F5: variants seen among roughly 807,000 people sequenced by gnomAD.
F5 encodes the protein activated protein c cofactor.
Under a neutral mutation model 216.4 loss-of-function variants are expected in F5, and 138 were observed. The observed-to-expected ratio is 0.64, with a 90% CI of 0.56 to 0.73. The LOEUF is 0.73. Ranked by LOEUF, F5 falls within the 30% of genes least tolerant of loss-of-function variation. The pLI, the probability that F5 is intolerant of heterozygous loss-of-function variation, is 0.00. For missense variants in F5, 2,403 were observed against 2,674.0 expected, an observed-to-expected ratio of 0.90 and a Z score of 2.24; for synonymous variants, 916 against 930.7, an observed-to-expected ratio of 0.98 and a Z score of 0.29.
Position 169,572,457 on chromosome 1 carries a change from T to C in F5, c.251-114A>G, listed in dbSNP as rs986574106. 2.3e-6 allele frequency: 3 copies of C among 1,286,340 alleles called. No individual in the cohort carries two copies. The African/African-American group carries it at 4.4e-5, about 19-fold the overall frequency. 79.7% of individuals were successfully genotyped at this position (1,286,340 alleles called of 1,614,324 possible). A position where few individuals can be genotyped will look rare whatever the true frequency, so the allele number is the denominator to read the frequency against. ...GAGTGATTGCTACCATTCCTCCTGG[T>C]CCTGAGGCTGACTCACTTATTTTCA... On this transcript the variant is annotated intron_variant, in intron 2 of 24. Transcript: ENST00000367797.
At chr1:169,581,198 C>T (rs932741616) in intron 2 of F5, among the ~76,000 whole-genome samples, 2 of 152,028 alleles carry the variant, frequency 1.3e-5, no homozygotes, top group African/African-American at 4.8e-5. Context: ...ACAGGTAAAG[C>T]GAGAGCTTCA....
chr1:169,552,880 C>A, intron 7 of F5, 146 bp from the exon 8 acceptor site: 1 of 642,850 alleles, frequency 1.6e-6, no homozygotes, highest in South Asian at 2.0e-5. Flanking sequence ...TTGCAAAGTC[C>A]TTATGTTTTC....
In F5 at chr1:169,542,126, A is replaced by G; in HGVS notation, c.2964T>C (p.Leu988=). The G allele has an allele frequency of 6.2e-7, 1 of 1,614,064 alleles. No homozygotes were observed. The highest frequency in any genetic ancestry group is 8.5e-7 in the Non-Finnish European group (1 of 1,179,978). The change falls in exon 13 of 25, where the codon CTT becomes CTC. Residue 988 remains leucine (L), a synonymous_variant. Coordinates refer to ENST00000367797, the MANE Select transcript of F5 (RefSeq NM_000130.5). ...CACTCTGCTTTCCAGGCTTGTTGGC[A>G]AGAGGGGTGCTTTCTCCCCAAGCAC... ...ASRAWGESTP[L]ANKPGKQSGH... is the part of the protein sequence containing the mutation.
At chr1:169,565,799 C>T (rs571882181) in intron 3 of F5, among the ~76,000 whole-genome samples, 4 of 152,100 alleles carry the variant, frequency 2.6e-5, no homozygotes, top group African/African-American at 7.2e-5. Context: ...GTGAACTTTG[C>T]GCTAGCATAA....
chr1:169,572,168 T>A (rs1051283385), intron 3 of F5, 53 bp downstream of exon 3: 9 of 1,558,294 alleles, frequency 5.8e-6, no homozygotes, highest in Non-Finnish European at 7.9e-6. Context: ...TTGATGCTGG[T>A]ATTAAAGACT....
intron 3 of F5, among the ~76,000 whole-genome samples, chr1:169,564,426 T>A (rs1161924295): frequency 6.6e-6 from 1 of 152,018 alleles, no homozygotes; most frequent in Non-Finnish European, 1.5e-5. Flanking sequence ...CTGTCTGGGT[T>A]CTCCCTGCTT....
chr1:169,526,590 T>C (rs1179302072), intron 17 of F5, among the ~76,000 whole-genome samples: 1 of 152,150 alleles, frequency 6.6e-6, no homozygotes, highest in Admixed American at 6.5e-5. Context: ...ATATTTAAAT[T>C]CTGTTGACTA....
At chr1:169,529,433 A>C (rs901069189) in intron 16 of F5, among the ~76,000 whole-genome samples, 175 bp downstream of exon 16, 2 of 152,128 alleles carry the variant, frequency 1.3e-5, no homozygotes, top group Non-Finnish European at 2.9e-5. Flanking sequence ...CCTCACCCAC[A>C]GTGTCACCTG....
At chr1:169,552,464 G>A (rs1021122496) in intron 8 of F5, 93 bp downstream of exon 8, 91 of 1,045,922 alleles carry the variant, frequency 8.7e-5, no homozygotes, top group Non-Finnish European at 1.1e-4. Flanking sequence ...AATTATATGA[G>A]CATCTTTTTC....
In F5 at chr1:169,542,671, C is replaced by T; in HGVS notation, c.2419G>A (p.Gly807Ser). ...APSHQQATTA[G>S]SPLRHLIGKN... ...CCAATGAGGTGTCTCAGTGGGGAAC[C>T]AGCTGTGGTGGCTTGTTGGTGAGAA... The change falls in exon 13 of 25, where the codon GGT becomes AGT. Residue 807 changes from glycine (G) to serine (S), a missense_variant. Transcript: ENST00000367797. 6.2e-7 allele frequency: 1 copy of T among 1,614,062 alleles called. No individual in the cohort carries two copies. The highest frequency in any genetic ancestry group is 8.5e-7 in the Non-Finnish European group (1 of 1,179,984).
At position 169,555,086 on chromosome 1, in the gene F5, T is replaced by C. The variant is rs535105855; in HGVS notation, c.1118+96A>G. On this transcript the variant is annotated intron_variant, in intron 7 of 24. Coordinates refer to ENST00000367797, the MANE Select transcript of F5 (RefSeq NM_000130.5). ...AATAGAAACCAATACATGTGTCCCC[T>C]TGAGAGCTGTGAACTTACATTTCAC... 6.7e-5 allele frequency: 94 copies of C among 1,392,614 alleles called. No homozygotes were observed. In the African/African-American group the frequency reaches 1.3e-3, roughly 19 times the overall value. 86.3% of individuals were successfully genotyped at this position (1,392,614 alleles called of 1,614,324 possible). A position where few individuals can be genotyped will look rare whatever the true frequency, so the allele number is the denominator to read the frequency against.
intron 16 of F5, 150 bp from the exon 17 acceptor site, chr1:169,528,244 A>G (rs1659505305): frequency 2.2e-6 from 2 of 909,284 alleles, no homozygotes; most frequent in African/African-American, 1.6e-5. Context: ...GCCCTCTTGT[A>G]TGTCACATTA....
intron 3 of F5, among the ~76,000 whole-genome samples, chr1:169,562,245 T>C (rs1039235231): frequency 6.6e-6 from 1 of 152,148 alleles, no homozygotes; most frequent in East Asian, 1.9e-4. Context: ...TCACTATAAT[T>C]TGGCTTTTCT....
intron 7 of F5, among the ~76,000 whole-genome samples, chr1:169,553,861 A>G (rs1660245088): frequency 6.6e-6 from 1 of 152,264 alleles, no homozygotes; most frequent in Non-Finnish European, 1.5e-5. Context: ...AATGTAAATT[A>G]ATTCAGCCAT....
In F5 at chr1:169,544,384, G is replaced by T. The variant is rs1440925361; in HGVS notation, c.1887C>A (p.His629Gln). Residue 629 changes from histidine to glutamine, a missense_variant, in exon 12 of 25, where the codon CAC (histidine) becomes CAA (glutamine). Physicochemically the swap from His to Gln is conservative, Grantham distance 24. Around this residue, in one of 4 missense-constraint regions of F5, gnomAD observed 1,425 missense variants for 1,554.8 expected, o/e 0.92. Transcript: ENST00000367797. Reference sequence around the variant, plus strand: ...CATGCCTCTTTCCATAGATGAATGAGTGCCCAGTGAAGTGGATGGTCAAAA... The same window carrying T: ...CATGCCTCTTTCCATAGATGAATGATTGCCCAGTGAAGTGGATGGTCAAAA... ...NEILTIHFTGHSFIYGKRHED... is the reference protein window; with the variant it reads ...NEILTIHFTGQSFIYGKRHED... The T allele has an allele frequency of 2.5e-6, 4 of 1,614,014 alleles. No individual in the cohort carries two copies. The highest frequency in any genetic ancestry group is 2.5e-6 in the Non-Finnish European group (3 of 1,180,022).
chr1:169,569,369 A>G (rs1403525675), intron 3 of F5, among the ~76,000 whole-genome samples: 1 of 152,150 alleles, frequency 6.6e-6, no homozygotes, highest in Non-Finnish European at 1.5e-5. Context: ...TAATTTTGTG[A>G]CATCACATTC....
chr1:169,520,490 G>C, intron 22 of F5, 30 bp downstream of exon 22: 1 of 1,613,472 alleles, frequency 6.2e-7, no homozygotes, highest in Non-Finnish European at 8.5e-7. Flanking sequence ...TTGAGTGGCA[G>C]TGAGAAAATA....
In F5 at chr1:169,541,350, G is replaced by T. The variant is rs1659844280; in HGVS notation, c.3740C>A (p.Thr1247Lys). The change falls in exon 13 of 25, where the codon ACA becomes AAA. Residue 1247 changes from threonine to lysine, a missense_variant. Thr to Lys is a moderately conservative substitution (Grantham distance 78, BLOSUM62 -1). Coordinates refer to ENST00000367797, the MANE Select transcript of F5 (RefSeq NM_000130.5). The stretch of plus-strand genomic sequence containing the variant: ...CTGGCTGAGGTCTAAAGAAAGGGTT[G>T]TATGGCTGAGGTCTGGAGAAAGGGT... ...HTTLSPDLSH[T>K]TLSLDLSQTN... The T allele has an allele frequency of 6.2e-7, 1 of 1,610,160 alleles. No homozygotes were observed. Among genetic ancestry groups the T allele is most frequent in the South Asian group, 1.1e-5 (1 of 90,856 alleles).
Position 169,586,429 on chromosome 1 carries a change from T to G in F5, c.-43A>C, listed in dbSNP as rs1661105924. 1 of 1,595,042 alleles carries G rather than the reference T, an allele frequency of 6.3e-7. No homozygotes were observed. Among genetic ancestry groups the G allele is most frequent in the East Asian group, 2.3e-5 (1 of 44,190 alleles). ...CGCTGGCTGCCACCACCCCAGGACC[T>G]GGGCAGCGCTTGCCGAGCTGCTAAC... On this transcript the variant is annotated 5_prime_UTR_variant, in exon 1 of 25. Coordinates refer to ENST00000367797, the MANE Select transcript of F5 (RefSeq NM_000130.5).
Sources: gnomAD v4.1 joint callset for allele counts (sites outside exome capture counted in the v4.1 genomes callset) on GRCh38, gnomAD v4.1.1 for gene constraint, gnomAD v4.1.1 regional missense constraint, MANE v1.5 for transcripts, NCBI Gene and HGNC (gene_info 2026-07-23, HGNC 2026-07-21) for gene names.